NOL4: variants seen among roughly 807,000 people sequenced by gnomAD.
NOL4 encodes cancer/testis antigen 125.
NOL4 carries 17 observed loss-of-function variants against 75.9 expected under a neutral mutation model. The observed-to-expected ratio is 0.22, with a 90% CI of 0.15 to 0.34. The LOEUF is 0.34. Among genes scored for constraint, NOL4 ranks in the 10% least tolerant of loss-of-function variants. NOL4 has a pLI of 1.00. For synonymous variants in NOL4, 292 were observed against 289.9 expected, an observed-to-expected ratio of 1.01 and a Z score of -0.07; for missense variants, 614 against 793.5, an observed-to-expected ratio of 0.77 and a Z score of 2.72.
intron 6 of NOL4, among the ~76,000 whole-genome samples, chr18:33,965,991 ATATTT>A (rs1347193596): frequency 2.6e-5 from 4 of 152,132 alleles, no homozygotes; most frequent in African/African-American, 9.7e-5. Context: ...ATTTTAAAAT[ATATTT>A]TATATTTTCA....
intron 6 of NOL4, among the ~76,000 whole-genome samples, chr18:33,979,162 T>TA (rs1021763733): frequency 1.3e-5 from 2 of 152,016 alleles, no homozygotes; most frequent in Admixed American, 6.6e-5. Context: ...ATTATAGAGG[T>TA]AAAACCTTAG....
intron 9 of NOL4, among the ~76,000 whole-genome samples, chr18:33,899,819 G>C (rs1395854605): frequency 6.6e-6 from 1 of 152,100 alleles, no homozygotes; most frequent in Non-Finnish European, 1.5e-5. Flanking sequence ...TTGAGAAGCA[G>C]TTCATTTGCA....
At chr18:34,141,872 A>G (rs2081182521) in intron 1 of NOL4, among the ~76,000 whole-genome samples, 11 of 152,210 alleles carry the variant, frequency 7.2e-5, no homozygotes, top group Admixed American at 7.2e-4. Flanking sequence ...ACAGCAAAAG[A>G]AACTACCATC....
At chr18:34,009,716 C>T (rs1219069389) in intron 6 of NOL4, among the ~76,000 whole-genome samples, 1 of 151,908 alleles carries the variant, frequency 6.6e-6, no homozygotes, top group Non-Finnish European at 1.5e-5. Flanking sequence ...GTCTCAGCAT[C>T]AGGTCAAGTT....
chr18:34,134,673 T>C (rs1485684460), intron 1 of NOL4, among the ~76,000 whole-genome samples: 2 of 152,088 alleles, frequency 1.3e-5, no homozygotes, highest in African/African-American at 4.8e-5. Context: ...TAGAACACTC[T>C]ACAAAACAGT....
chr18:34,058,425 C>T (rs117311834), intron 5 of NOL4, among the ~76,000 whole-genome samples: 17 of 152,310 alleles, frequency 1.1e-4, no homozygotes, highest in Admixed American at 7.8e-4. Context: ...TGAGCCACTG[C>T]GCCCGGCCTC....
intron 5 of NOL4, among the ~76,000 whole-genome samples, chr18:34,049,389 A>T (rs1020977198): frequency 1.3e-5 from 2 of 152,082 alleles, no homozygotes; most frequent in African/African-American, 4.8e-5. Flanking sequence ...ATTTTCTGGA[A>T]AATAATGAAC....
intron 1 of NOL4, among the ~76,000 whole-genome samples, chr18:34,205,809 G>A (rs2036083717): frequency 6.6e-6 from 1 of 152,046 alleles, no homozygotes. Context: ...AAAACCCCAG[G>A]CAAAGGGATA....
At chr18:34,216,725 T>G (rs1302426950) in intron 1 of NOL4, among the ~76,000 whole-genome samples, 2 of 151,292 alleles carry the variant, frequency 1.3e-5, no homozygotes, top group Non-Finnish European at 3.0e-5. Flanking sequence ...ATGCTTCTCA[T>G]TTATCATTAG....
rs938126572 is a variant in NOL4 at position 34,222,117 on chromosome 18, G to C, written c.264+873C>G. 8.5e-5 allele frequency: 131 copies of C among 1,533,920 alleles called. 1 individual carries two copies. The South Asian group carries it at 1.5e-3, about 18-fold the overall frequency. On this transcript the variant is annotated intron_variant, in intron 1 of 10. Transcript: ENST00000261592. ...TGTGAAGAAAATCGACGCTGCTGCGGCTCCCCAGCCCCACTGGCTTCTGCA... is the reference window on the plus strand; with the variant it reads ...TGTGAAGAAAATCGACGCTGCTGCGCCTCCCCAGCCCCACTGGCTTCTGCA...
chr18:34,002,207 T>C (rs575478162), intron 6 of NOL4, among the ~76,000 whole-genome samples: 39 of 152,022 alleles, frequency 2.6e-4, no homozygotes, highest in Non-Finnish European at 4.9e-4. Flanking sequence ...TAAGTATAAT[T>C]TATAAGGACT....
intron 2 of NOL4, among the ~76,000 whole-genome samples, chr18:34,119,869 G>A (rs780348429): frequency 1.3e-5 from 2 of 151,988 alleles, no homozygotes; most frequent in Non-Finnish European, 2.9e-5. Context: ...TGATCCACCC[G>A]CCTCGGCCTC....
chr18:34,170,673 T>C lies in NOL4; in HGVS notation c.265-40653A>G, dbSNP rs532793372. Among the ~76,000 whole-genome samples the C allele has an allele frequency of 2.6e-5, 4 of 152,330 alleles. No individual in the cohort carries two copies. The South Asian group carries it at 8.3e-4, about 32-fold the overall frequency. On this transcript the variant is annotated intron_variant, in intron 1 of 10. Coordinates refer to ENST00000261592, the MANE Select transcript of NOL4 (RefSeq NM_003787.5). ...AAGTTCAAAAATTACATCTATGGCT[T>C]ACATTATATTTCTATTGGATAGTGC...
chr18:33,852,174 G>A lies in NOL4; in HGVS notation c.*668C>T, dbSNP rs1801375120. The A allele has an allele frequency of 6.6e-6, 1 of 152,430 alleles. No homozygotes were observed. Among genetic ancestry groups the A allele is most frequent in the South Asian group, 2.1e-4 (1 of 4,828 alleles). The allele number at this position is 152,430 out of a possible 1,614,324, so 9.4% of individuals were successfully genotyped here. A position where few individuals can be genotyped will look rare whatever the true frequency, so the allele number is the denominator to read the frequency against. Reference sequence around the variant, plus strand: ...GTGACGATTGAAAGAACGTAGGCAAGGGTTTTTCCAGCATCAAGTGTTATT... The same window carrying A: ...GTGACGATTGAAAGAACGTAGGCAAAGGTTTTTCCAGCATCAAGTGTTATT... On this transcript the variant is annotated 3_prime_UTR_variant, in exon 11 of 11. Transcript: ENST00000261592.
At chr18:34,196,772 C>T (rs911518735) in intron 1 of NOL4, among the ~76,000 whole-genome samples, 2 of 152,002 alleles carry the variant, frequency 1.3e-5, no homozygotes, top group African/African-American at 4.8e-5. Flanking sequence ...CCTTCATCTA[C>T]ACTTAAAGGT....
chr18:34,141,264 T>C (rs1266038205), intron 1 of NOL4, among the ~76,000 whole-genome samples: 11 of 152,110 alleles, frequency 7.2e-5, no homozygotes, highest in African/African-American at 2.7e-4. Flanking sequence ...CTGCCCAAGG[T>C]AATTTATAGA....
At chr18:34,178,725 G>A (rs2033774659) in intron 1 of NOL4, among the ~76,000 whole-genome samples, 1 of 151,556 alleles carries the variant, frequency 6.6e-6, no homozygotes, top group African/African-American at 2.4e-5. Context: ...ACAGAATGGA[G>A]GGGTGAAATA....
rs75111791 is a variant in NOL4 at position 33,981,770 on chromosome 18, G to A, written c.1057-23352C>T. On this transcript the variant is annotated intron_variant, in intron 6 of 10. Coordinates refer to ENST00000261592, the MANE Select transcript of NOL4 (RefSeq NM_003787.5). ...GAGCATTAGAGGAAGCATAAGTGGA[G>A]GTCAAATAAAAATATTTTTTCTCAT... 8.4e-3 allele frequency among the ~76,000 whole-genome samples: 1,280 copies of A among 152,084 alleles called. 16 individuals carry two copies. The highest frequency in any genetic ancestry group is 0.027 in the African/African-American group (1,141 of 41,528).
chr18:34,125,007 A>G (rs1482260255), intron 2 of NOL4, among the ~76,000 whole-genome samples: 2 of 152,136 alleles, frequency 1.3e-5, no homozygotes, highest in Non-Finnish European at 2.9e-5. Flanking sequence ...TCCTGACTTA[A>G]GTTAAATTTA....
Sources: allele counts gnomAD v4.1 joint callset (sites outside exome capture counted in the v4.1 genomes callset), GRCh38; gene constraint gnomAD v4.1.1; transcripts MANE v1.5; gene names NCBI Gene and HGNC (gene_info 2026-07-23, HGNC 2026-07-21).